The following PKHD1L1 variants were observed in gnomAD, a reference collection of about 807,000 sequenced individuals.
PKHD1L1 encodes the protein PKHD1 like 1.
In PKHD1L1, 434 loss-of-function variants were observed where a neutral mutation model predicts 462.9. The observed-to-expected ratio is 0.94, with a 90% CI of 0.87 to 1.02. PKHD1L1 has a LOEUF of 1.02. Among genes scored for constraint, PKHD1L1 ranks in the 50% least tolerant of loss-of-function variants. PKHD1L1 has a pLI of 0.00. For missense variants in PKHD1L1, 5,202 were observed against 5,096.1 expected, an observed-to-expected ratio of 1.02 and a Z score of -0.63; for synonymous variants, 1,781 against 1,750.0, an observed-to-expected ratio of 1.02 and a Z score of -0.44.
chr8:109,459,178 C>G (rs1051121508), intron 46 of PKHD1L1, among the ~76,000 whole-genome samples: 1 of 151,912 alleles, frequency 6.6e-6, no homozygotes, highest in East Asian at 1.9e-4. Context: ...TTAGAAACAC[C>G]CCTGGTCTCT....
chr8:109,507,191 T>C (rs1819733716), intron 68 of PKHD1L1, among the ~76,000 whole-genome samples: 1 of 152,132 alleles, frequency 6.6e-6, no homozygotes, highest in Admixed American at 6.6e-5. Context: ...TAATAAATCT[T>C]TATATTATTT....
At chr8:109,364,061 T>C (rs1247291587) in intron 1 of PKHD1L1, among the ~76,000 whole-genome samples, 1 of 152,200 alleles carries the variant, frequency 6.6e-6, no homozygotes, top group Non-Finnish European at 1.5e-5. Flanking sequence ...GAAGCCACAC[T>C]CCCTCACAGA....
At chr8:109,497,308 A>C in intron 65 of PKHD1L1, 36 bp downstream of exon 65, 1 of 1,595,396 alleles carries the variant, frequency 6.3e-7, no homozygotes. Flanking sequence ...TGGAGAAAAA[A>C]ATAACTTGGA....
chr8:109,378,079 C>G (rs1483484404), intron 2 of PKHD1L1, among the ~76,000 whole-genome samples: 1 of 152,124 alleles, frequency 6.6e-6, no homozygotes, highest in Non-Finnish European at 1.5e-5. Flanking sequence ...TCAGCCTTCC[C>G]CTTGCTCCAC....
Position 109,496,995 on chromosome 8 carries a change from T to C in PKHD1L1, c.10404T>C (p.Asp3468=), listed in dbSNP as rs1311759480. 3.7e-6 allele frequency: 6 copies of C among 1,613,544 alleles called. No individual in the cohort carries two copies. Among genetic ancestry groups the C allele is most frequent in the Admixed American group, 3.3e-5 (2 of 60,026 alleles). Reference sequence around the variant, plus strand: ...TATATGGGATCTATATGAACCAAGATGGCCTTCCTGGATGTTCTCTTATAC... The same window carrying C: ...TATATGGGATCTATATGAACCAAGACGGCCTTCCTGGATGTTCTCTTATAC... ...GGLYGIYMNQ[D]GLPGCSLIQG... Residue 3468 remains aspartate (D), a synonymous_variant, in exon 64 of 78, where the codon GAT becomes GAC. Transcript: ENST00000378402.
intron 8 of PKHD1L1, among the ~76,000 whole-genome samples, chr8:109,389,485 A>T (rs187351219): frequency 6.7e-6 from 1 of 150,156 alleles, no homozygotes; most frequent in East Asian, 2.0e-4. Context: ...CTCCAGACAC[A>T]TAGATCTTTT....
chr8:109,512,007 C>G (rs1434490659), intron 71 of PKHD1L1, among the ~76,000 whole-genome samples: 4 of 152,136 alleles, frequency 2.6e-5, no homozygotes, highest in Admixed American at 2.6e-4. Context: ...TGAGAAGTGT[C>G]TGTTCATGTC....
Position 109,475,186 on chromosome 8 carries a change from A to G in PKHD1L1, c.8674A>G (p.Asn2892Asp), listed in dbSNP as rs751841757. Residue 2892 changes from asparagine to aspartate, a missense_variant, in exon 51 of 78, where the codon AAT becomes GAT. This residue lies in a region of PKHD1L1 where 4,497 missense variants were observed against 4,336.8 expected (regional missense o/e 1.04). Coordinates refer to ENST00000378402, the MANE Select transcript of PKHD1L1 (RefSeq NM_177531.6). ...HMSGWMALIPNANHINWYFKG... is the reference protein window; with the variant it reads ...HMSGWMALIPDANHINWYFKG... Reference sequence around the variant, plus strand: ...GTCTGGATGGATGGCTCTGATTCCAAATGCAAATCACATTAACTGGTATTT... The same window carrying G: ...GTCTGGATGGATGGCTCTGATTCCAGATGCAAATCACATTAACTGGTATTT... The G allele has an allele frequency of 6.2e-7, 1 of 1,612,910 alleles. No homozygotes were observed. The highest frequency in any genetic ancestry group is 8.5e-7 in the Non-Finnish European group (1 of 1,179,320).
intron 47 of PKHD1L1, 52 bp downstream of exon 47, chr8:109,459,888 A>C: frequency 6.7e-7 from 1 of 1,499,870 alleles, no homozygotes; most frequent in Non-Finnish European, 8.9e-7. Context: ...TAGTTTTACA[A>C]TTTAATTGGT....
intron 14 of PKHD1L1, among the ~76,000 whole-genome samples, chr8:109,402,759 T>C (rs1586437684): frequency 6.6e-6 from 1 of 152,150 alleles, no homozygotes; most frequent in South Asian, 2.1e-4. Flanking sequence ...GAAGAAGTTA[T>C]GCTCAGAGGC....
At chr8:109,440,134 G>A (rs1001433180) in intron 32 of PKHD1L1, among the ~76,000 whole-genome samples, 2 of 152,054 alleles carry the variant, frequency 1.3e-5, no homozygotes, top group African/African-American at 2.4e-5. Flanking sequence ...TTGGGATTTG[G>A]AAGTCAAATA....
At chr8:109,370,566 G>C (rs550374152) in intron 2 of PKHD1L1, among the ~76,000 whole-genome samples, 2 of 151,576 alleles carry the variant, frequency 1.3e-5, no homozygotes, top group Non-Finnish European at 2.9e-5. Flanking sequence ...GTGCAGGTTT[G>C]TTACATATGT....
rs1813464782 is a variant in PKHD1L1, at chr8:109,405,067, T to A, written c.1606T>A (p.Cys536Ser). ...TCAGAAGATCAAGGTAACCAGCCCA[T>A]GTGTGGAAGCTAATTCATGTTCACT... ...EVQKIKVTSP[C>S]VEANSCSLYQ... Residue 536 changes from cysteine (C) to serine (S), a missense_variant, in exon 16 of 78, where the codon TGT becomes AGT. By Grantham distance (112) the Cys-to-Ser change is moderately radical (BLOSUM62 -1). This residue lies in a region of PKHD1L1 where 4,497 missense variants were observed against 4,336.8 expected (regional missense o/e 1.04). Transcript: ENST00000378402. 3.3e-6 allele frequency: 5 copies of A among 1,527,784 alleles called. No homozygotes were observed. Among genetic ancestry groups the A allele is most frequent in the African/African-American group, 2.8e-5 (2 of 72,504 alleles). 94.6% of individuals were successfully genotyped at this position (1,527,784 alleles called of 1,614,324 possible). A position where few individuals can be genotyped will look rare whatever the true frequency, so the allele number is the denominator to read the frequency against.
chr8:109,533,395 C>A lies in PKHD1L1; in HGVS notation c.*3305C>A, dbSNP rs1586678111. Among the ~76,000 whole-genome samples the A allele has an allele frequency of 6.6e-6, 1 of 152,220 alleles. No homozygotes were observed. Among genetic ancestry groups the A allele is most frequent in the African/African-American group, 2.4e-5 (1 of 41,450 alleles). The stretch of plus-strand genomic sequence containing the variant: ...ATAATGTGGCCTATATCATGTCAAT[C>A]CCTGGCCCAGTAAACCATTAGGCTT... On this transcript the variant is annotated 3_prime_UTR_variant, in exon 78 of 78. Transcript: ENST00000378402.
intron 11 of PKHD1L1, among the ~76,000 whole-genome samples, chr8:109,397,285 C>T (rs547065008): frequency 8.5e-5 from 13 of 152,126 alleles, no homozygotes; most frequent in Non-Finnish European, 1.0e-4. Context: ...GTTTATGTGT[C>T]TTTCCTTTGC....
intron 32 of PKHD1L1, among the ~76,000 whole-genome samples, chr8:109,440,099 T>C (rs1586515243): frequency 6.6e-6 from 1 of 152,084 alleles, no homozygotes; most frequent in African/African-American, 2.4e-5. Flanking sequence ...TGATTTTTTC[T>C]GCCTCTCTGC....
At chr8:109,429,229 T>A in intron 25 of PKHD1L1, 111 bp from the exon 26 acceptor site, 1 of 978,796 alleles carries the variant, frequency 1.0e-6, no homozygotes, top group Non-Finnish European at 1.4e-6. Context: ...AATTTTATTT[T>A]ACATTCTTTG....
intron 9 of PKHD1L1, 108 bp downstream of exon 9, chr8:109,390,602 CT>C (rs1298769079): frequency 9.8e-5 from 53 of 540,572 alleles, no homozygotes; most frequent in Non-Finnish European, 1.3e-4. Context: ...AAATTAACTA[CT>C]TTTTTTCCCC....
At chr8:109,498,875 T>C in intron 67 of PKHD1L1, 104 bp downstream of exon 67, 1 of 1,036,976 alleles carries the variant, frequency 9.6e-7, no homozygotes, top group Non-Finnish European at 1.4e-6. Context: ...TTTAAGTGAA[T>C]TTTTATAGCA....
Sources: allele counts gnomAD v4.1 joint callset (sites outside exome capture counted in the v4.1 genomes callset), GRCh38; gene constraint gnomAD v4.1.1; regional missense constraint gnomAD v4.1.1; transcripts MANE v1.5; gene names NCBI Gene and HGNC (gene_info 2026-07-23, HGNC 2026-07-21).